CEBPZ: variants seen among roughly 807,000 people sequenced by gnomAD.
CEBPZ encodes the protein CCAAT enhancer binding protein zeta.
CEBPZ carries 78 observed loss-of-function variants against 104.5 expected under a neutral mutation model. The ratio of observed to expected loss-of-function variants is 0.75; its 90% CI spans 0.62 to 0.90. CEBPZ has a LOEUF of 0.90. Among genes scored for constraint, CEBPZ ranks in the 40% least tolerant of loss-of-function variants. The pLI is 0.00. For missense variants in CEBPZ, 1,439 were observed against 1,233.5 expected (o/e 1.17, Z -2.50); for synonymous variants, 470 against 427.0 (o/e 1.10, Z -1.24).
intron 12 of CEBPZ, 87 bp downstream of exon 12, chr2:37,211,756 A>G: frequency 4.3e-6 from 4 of 934,846 alleles, no homozygotes; most frequent in East Asian, 2.7e-5. Context: ...ATACAGGGCT[A>G]TATTAAAAAC....
Position 37,227,689 on chromosome 2 carries a change from C to T in CEBPZ, c.1504G>A (p.Asp502Asn). The change falls in exon 2 of 16, where the codon GAC becomes AAC. Residue 502 changes from aspartate to asparagine, a missense_variant. Physicochemically the swap from Asp to Asn is conservative, Grantham distance 23. Transcript: ENST00000234170. The part of the protein sequence containing the change: ...RAYPYSQTGD[D>N]KVREQIDTLF... ...GTGTCAATCTGCTCCCTTACTTTGT[C>T]ATCACCAGTCTGGGAATAAGGGTAT... is the stretch of plus-strand genomic sequence containing the variant. 6.2e-7 allele frequency: 1 copy of T among 1,614,184 alleles called. No individual in the cohort carries two copies. The highest frequency in any genetic ancestry group is 8.5e-7 in the Non-Finnish European group (1 of 1,180,030).
chr2:37,211,972 C>T lies in CEBPZ; in HGVS notation c.2671G>A (p.Asp891Asn), dbSNP rs1677735415. The change falls in exon 12 of 16, where the codon GAT (aspartate) becomes AAT (asparagine). Residue 891 changes from aspartate (D) to asparagine (N), a missense_variant. By Grantham distance (23) the Asp-to-Asn change is conservative. Transcript: ENST00000234170. ...TLDEDSEGSD[D>N]ELGNLDDDEV... The stretch of plus-strand genomic sequence containing the variant: ...TCGTCATCCAGGTTACCAAGTTCAT[C>T]ATCACTACCTTCTGAATCTTCATCT... 3 of 1,613,504 alleles carry T rather than the reference C, an allele frequency of 1.9e-6. No homozygotes were observed. The highest frequency in any genetic ancestry group is 2.5e-6 in the Non-Finnish European group (3 of 1,179,818).
intron 2 of CEBPZ, 48 bp downstream of exon 2, chr2:37,227,496 A>AC: frequency 6.5e-7 from 1 of 1,538,000 alleles, no homozygotes; most frequent in African/African-American, 1.4e-5. Flanking sequence ...GTGCTGTACT[A>AC]CATCAAGTTA....
intron 1 of CEBPZ, among the ~76,000 whole-genome samples, 182 bp from the exon 2 acceptor site, chr2:37,229,218 T>C (rs1351840880): frequency 1.3e-5 from 2 of 151,884 alleles, no homozygotes; most frequent in Admixed American, 1.3e-4. Context: ...CTCTCTTTCT[T>C]TTACACACAC....
At chr2:37,205,635 A>C (rs1254831315) in intron 13 of CEBPZ, among the ~76,000 whole-genome samples, 2 of 152,234 alleles carry the variant, frequency 1.3e-5, no homozygotes, top group African/African-American at 4.8e-5. Context: ...GACGCGCATG[A>C]AACTTTTTAA....
At position 37,222,419 on chromosome 2, in the gene CEBPZ, G is replaced by T. The variant is rs1558476135; in HGVS notation, c.2026C>A (p.Pro676Thr). The change falls in exon 4 of 16, where the codon CCA (proline) becomes ACA (threonine). Residue 676 changes from proline (P) to threonine (T), a missense_variant. Transcript: ENST00000234170. ...VPETDVETKK[P>T]EVASWVHFDN... ...AAGTGCACCCAGGAAGCAACCTCTG[G>T]TTTTTTGGTTTCTACATCAGTTTCA... The T allele has an allele frequency of 1.9e-6, 3 of 1,598,302 alleles. No homozygotes were observed. The highest frequency in any genetic ancestry group is 2.3e-5 in the East Asian group (1 of 44,174).
Position 37,228,749 on chromosome 2 carries a change from A to G in CEBPZ, c.444T>C (p.His148=), listed in dbSNP as rs763705335. ...KVKNKNRPEP[H]SDENGSTTPK... is the part of the protein sequence containing the mutation. ...GTGTGGTACTGCCATTCTCATCAGA[A>G]TGTGGTTCTGGCCTATTCTTATTTT... Residue 148 remains histidine (H), a synonymous_variant, in exon 2 of 16, where the codon CAT becomes CAC. Coordinates refer to ENST00000234170, the MANE Select transcript of CEBPZ (RefSeq NM_005760.3). 6.2e-7 allele frequency: 1 copy of G among 1,614,202 alleles called. No homozygotes were observed. Among genetic ancestry groups the G allele is most frequent in the South Asian group, 1.1e-5 (1 of 91,088 alleles).
intron 15 of CEBPZ, 36 bp from the exon 16 acceptor site, chr2:37,201,939 C>T (rs771771871): frequency 6.3e-7 from 1 of 1,590,712 alleles, no homozygotes; most frequent in South Asian, 1.1e-5. Flanking sequence ...TGTACTACCA[C>T]ACTGTAGACT....
Position 37,228,612 on chromosome 2 carries a change from A to G in CEBPZ, c.581T>C (p.Leu194Ser). The stretch of plus-strand genomic sequence containing the variant: ...TACAACATCCTGAGGCTGGGGTTTC[A>G]AAGAATATTCATTGCTGTACTCCAG... The part of the protein sequence containing the change: ...YDLEYSNEYS[L>S]KPQPQDVVSK... Residue 194 changes from leucine to serine, a missense_variant, in exon 2 of 16, where the codon TTG becomes TCG. Physicochemically the swap from Leu to Ser is moderately radical, Grantham distance 145. Transcript: ENST00000234170. 4 of 1,614,204 alleles carry G rather than the reference A, an allele frequency of 2.5e-6. No homozygotes were observed. Among genetic ancestry groups the G allele is most frequent in the Non-Finnish European group, 3.4e-6 (4 of 1,180,030 alleles).
intron 8 of CEBPZ, 36 bp from the exon 9 acceptor site, chr2:37,214,988 A>G (rs969047021): frequency 7.6e-7 from 1 of 1,309,922 alleles, no homozygotes; most frequent in Non-Finnish European, 1.1e-6. Flanking sequence ...AACTTCATAT[A>G]GCAATCCCCT....
chr2:37,211,458 C>G lies in CEBPZ; in HGVS notation c.2801-376G>C, dbSNP rs937027594. 3 of 233,164 alleles carry G rather than the reference C, an allele frequency of 1.3e-5. No homozygotes were observed. The Admixed American group carries it at 1.6e-4, about 12-fold the overall frequency. 14.4% of individuals were successfully genotyped at this position (233,164 alleles called of 1,614,324 possible). On this transcript the variant is annotated intron_variant, in intron 12 of 15. Transcript: ENST00000234170. ...GTCAGACAACAGTCTAGAGACAATT[C>G]TGGGTGTTCCTTGCTAATTTACAAG...
At chr2:37,207,635 G>A (rs567112613) in intron 13 of CEBPZ, among the ~76,000 whole-genome samples, 1 of 152,214 alleles carries the variant, frequency 6.6e-6, no homozygotes, top group South Asian at 2.1e-4. Context: ...CAAAACCTCT[G>A]GGATACAGCA....
chr2:37,213,734 C>A, intron 10 of CEBPZ, 130 bp downstream of exon 10: 1 of 625,154 alleles, frequency 1.6e-6, no homozygotes, highest in Non-Finnish European at 2.7e-6. Context: ...CTTAATCTTC[C>A]ACTGTGATTT....
chr2:37,212,617 C>T (rs1042820484), intron 10 of CEBPZ: 8 of 527,194 alleles, frequency 1.5e-5, no homozygotes, highest in South Asian at 2.8e-5. Context: ...CAGTTAATTT[C>T]GGCTCTTTCT....
chr2:37,219,156 C>A (rs1435281449), intron 5 of CEBPZ, among the ~76,000 whole-genome samples: 2 of 152,182 alleles, frequency 1.3e-5, no homozygotes, highest in Non-Finnish European at 2.9e-5. Flanking sequence ...AAATATCTCC[C>A]AAATACCTAA....
intron 11 of CEBPZ, 118 bp from the exon 12 acceptor site, chr2:37,212,157 G>T: frequency 9.8e-7 from 1 of 1,019,108 alleles, no homozygotes; most frequent in Non-Finnish European, 1.4e-6. Flanking sequence ...TTTGCAGACT[G>T]CTCAGAGTAA....
rs769916632 is a variant in CEBPZ at position 37,201,790 on chromosome 2, G to A, written c.3139C>T (p.Gln1047Ter). 1.3e-5 allele frequency: 20 copies of A among 1,504,070 alleles called. 1 individual carries two copies. In the South Asian group the frequency reaches 2.3e-4, roughly 17 times the overall value. The allele number at this position is 1,504,070 out of a possible 1,614,324, so 93.2% of individuals were successfully genotyped here. The stretch of plus-strand genomic sequence containing the variant: ...CATTTCCTTTGTTTTTTAGTTTTTT[G>A]AGTGGTTTTAATCCTCTTCTTTTTA... ...HFKKKRIKTTQKTKKQRK is the reference protein window; with the variant it reads ...HFKKKRIKTT Residue 1047 changes from glutamine to a stop codon, truncating the protein, a stop_gained, in exon 16 of 16, where the codon CAA (glutamine) becomes TAA (stop). Transcript: ENST00000234170. LOFTEE classifies it high-confidence loss of function.
Position 37,227,686 on chromosome 2 carries a change from T to C in CEBPZ, c.1507A>G (p.Lys503Glu), listed in dbSNP as rs760973147. ...AGTGTGTCAATCTGCTCCCTTACTT[T>C]GTCATCACCAGTCTGGGAATAAGGG... Reference protein sequence around the residue: ...AYPYSQTGDDKVREQIDTLFK... With the variant: ...AYPYSQTGDDEVREQIDTLFK... Residue 503 changes from lysine (K) to glutamate (E), a missense_variant, in exon 2 of 16, where the codon AAA becomes GAA. Transcript: ENST00000234170. 6 of 1,614,200 alleles carry C rather than the reference T, an allele frequency of 3.7e-6. No homozygotes were observed. The highest frequency in any genetic ancestry group is 2.2e-5 in the East Asian group (1 of 44,888).
At chr2:37,210,829 G>A (rs545378541) in intron 13 of CEBPZ, 170 bp downstream of exon 13, 11 of 487,328 alleles carry the variant, frequency 2.3e-5, no homozygotes, top group African/African-American at 1.6e-4. Context: ...CTGAATGCGA[G>A]AAACAATTCA....
Sources: allele counts gnomAD v4.1 joint callset (sites outside exome capture counted in the v4.1 genomes callset), GRCh38; gene constraint gnomAD v4.1.1; transcripts MANE v1.5; gene names NCBI Gene and HGNC (gene_info 2026-07-23, HGNC 2026-07-21).